Variants in SDK1 observed in about 807,000 individuals in gnomAD.
The protein encoded by SDK1 is protein sidekick-1.
SDK1 carries 157 observed loss-of-function variants against 245.5 expected under a neutral mutation model. The ratio of observed to expected loss-of-function variants is 0.64; its 90% CI spans 0.56 to 0.73. SDK1 has a LOEUF of 0.73. SDK1 is among the 30% of genes least tolerant of loss of function. The probability of loss-of-function intolerance (pLI) is 0.00; values close to 1 mark genes in which losing one functional copy is unlikely to be tolerated. For missense variants in SDK1, 3,583 were observed against 3,002.3 expected, an observed-to-expected ratio of 1.19 and a Z score of -4.52; for synonymous variants, 1,647 against 1,278.5, an observed-to-expected ratio of 1.29 and a Z score of -6.15.
Position 3,461,706 on chromosome 7 carries a change from T to C in SDK1, c.299-157374T>C, listed in dbSNP as rs190088783. On this transcript the variant is annotated intron_variant, in intron 1 of 44. Transcript: ENST00000404826. ...TTTCAACAGATGACATCACCTTATA[T>C]GTTACAGAGAAACAGAAGCCATTAG... is the stretch of plus-strand genomic sequence containing the variant. Among the ~76,000 whole-genome samples, 646 of 152,278 alleles carry C rather than the reference T, an allele frequency of 4.2e-3. 7 individuals carry two copies. Among genetic ancestry groups the C allele is most frequent in the South Asian group, 0.018 (86 of 4,828 alleles).
chr7:4,149,092 G>A (rs1780177949), intron 29 of SDK1, among the ~76,000 whole-genome samples, 170 bp from the exon 30 acceptor site: 4 of 143,140 alleles, frequency 2.8e-5, no homozygotes, highest in African/African-American at 8.5e-5. Context: ...AAAAAACAGA[G>A]CCTCTCATCT....
intron 1 of SDK1, among the ~76,000 whole-genome samples, chr7:3,573,055 G>A (rs1309938138): frequency 6.6e-6 from 1 of 152,106 alleles, no homozygotes; most frequent in East Asian, 1.9e-4. Context: ...CCCAGGCACA[G>A]CCAAGTGGGG....
At chr7:4,174,780 C>G (rs1782084928) in intron 33 of SDK1, among the ~76,000 whole-genome samples, 1 of 152,144 alleles carries the variant, frequency 6.6e-6, no homozygotes, top group African/African-American at 2.4e-5. Flanking sequence ...CACCCCCGGG[C>G]TGATTTTGGC....
intron 4 of SDK1, among the ~76,000 whole-genome samples, chr7:3,695,891 A>G (rs1402465394): frequency 6.6e-6 from 1 of 152,216 alleles, no homozygotes; most frequent in Non-Finnish European, 1.5e-5. Context: ...TGATGACACA[A>G]TCAAAGCTAA....
At chr7:4,245,873 C>T (rs1463346030) in intron 44 of SDK1, 68 bp downstream of exon 44, 3 of 1,577,000 alleles carry the variant, frequency 1.9e-6, no homozygotes, top group Non-Finnish European at 2.6e-6. Context: ...ACTTCTGCCC[C>T]CTCAGGCTGT....
At chr7:3,552,336 C>T (rs539362175) in intron 1 of SDK1, among the ~76,000 whole-genome samples, 2 of 152,270 alleles carry the variant, frequency 1.3e-5, no homozygotes, top group African/African-American at 4.8e-5. Flanking sequence ...CCACCGCGCC[C>T]AGCTGATTTT....
At chr7:3,467,184 T>C (rs990119367) in intron 1 of SDK1, among the ~76,000 whole-genome samples, 2 of 152,146 alleles carry the variant, frequency 1.3e-5, no homozygotes, top group African/African-American at 2.4e-5. Flanking sequence ...AAAAATATTT[T>C]TCTGTAATAT....
At chr7:4,232,407 C>CTTTTTTTTTTTTTTTTTTTTTTTTTTT (rs201396862) in intron 40 of SDK1, among the ~76,000 whole-genome samples, 25 of 73,170 alleles carry the variant, frequency 3.4e-4, no homozygotes, top group South Asian at 4.8e-4. Flanking sequence ...CTTTTCTTTT[C>CTTTTTTTTTTTTTTTTTTTTTTTTTTT]TTTCTTTTTT....
intron 4 of SDK1, among the ~76,000 whole-genome samples, chr7:3,665,269 C>T (rs1424434349): frequency 6.6e-6 from 1 of 152,182 alleles, no homozygotes; most frequent in East Asian, 1.9e-4. Context: ...ATGCCTTGAG[C>T]CCCCTCTTTC....
rs182847005 is a variant in SDK1, at chr7:3,591,159, C to A, written c.299-27921C>A. 2.4e-3 allele frequency among the ~76,000 whole-genome samples: 368 copies of A among 152,268 alleles called. 3 individuals carry two copies. The highest frequency in any genetic ancestry group is 0.018 in the South Asian group (85 of 4,830). ...TGTGATACTCTGATGAAGGCAGCTC[C>A]TATCAACCTGTAGGCAGTTCAAGGT... On this transcript the variant is annotated intron_variant, in intron 1 of 44. Transcript: ENST00000404826.
chr7:4,263,456 CCTCTCTTGA>C (rs1788187959), intron 44 of SDK1, among the ~76,000 whole-genome samples: 9 of 148,924 alleles, frequency 6.0e-5, no homozygotes, highest in Non-Finnish European at 6.0e-5. Flanking sequence ...GCCGCGTAGA[CCTCTCTTGA>C]GTGAGGGAGT....
At chr7:4,258,042 C>T (rs753304178) in intron 44 of SDK1, among the ~76,000 whole-genome samples, 26 of 152,190 alleles carry the variant, frequency 1.7e-4, no homozygotes, top group Non-Finnish European at 2.4e-4. Flanking sequence ...TTGTGTCTCC[C>T]GCCAGGCCCC....
chr7:4,068,178 C>T (rs1157042488), intron 20 of SDK1, among the ~76,000 whole-genome samples: 3 of 152,178 alleles, frequency 2.0e-5, no homozygotes, highest in Admixed American at 2.0e-4. Flanking sequence ...ATCTGTTCTC[C>T]TCGCATGATC....
rs1782547231 is a variant in SDK1, at chr7:3,638,679, A to C, written c.459-325A>C. On this transcript the variant is annotated intron_variant, in intron 2 of 44. Coordinates refer to ENST00000404826, the MANE Select transcript of SDK1 (RefSeq NM_152744.4). ...GGGATAGCATTAGGAGATATACCTA[A>C]TGCTAAATGACGAGTTAATGGGTGC... Among the ~76,000 whole-genome samples the C allele has an allele frequency of 2.0e-5, 3 of 150,686 alleles. No homozygotes were observed. In the South Asian group the frequency reaches 6.5e-4, roughly 32 times the overall value.
chr7:4,166,242 C>T (rs931801865), intron 32 of SDK1, among the ~76,000 whole-genome samples: 9 of 152,256 alleles, frequency 5.9e-5, no homozygotes, highest in Admixed American at 3.9e-4. Context: ...CTTCAGAACA[C>T]ATCTTGGGGC....
chr7:3,452,436 C>T (rs1780543120), intron 1 of SDK1, among the ~76,000 whole-genome samples: 1 of 152,162 alleles, frequency 6.6e-6, no homozygotes, highest in Admixed American at 6.5e-5. Context: ...TAGAGAGCCT[C>T]TTACTATAAA....
intron 4 of SDK1, among the ~76,000 whole-genome samples, chr7:3,649,305 A>G (rs1367725782): frequency 6.6e-6 from 1 of 152,126 alleles, no homozygotes; most frequent in Non-Finnish European, 1.5e-5. Context: ...TAATTTGTAT[A>G]TAACAAAATG....
At chr7:3,346,741 GTA>G (rs1242719001) in intron 1 of SDK1, among the ~76,000 whole-genome samples, 20 of 117,896 alleles carry the variant, frequency 1.7e-4, no homozygotes, top group Admixed American at 1.3e-3. Flanking sequence ...ATATATACAC[GTA>G]TATATATGTG....
chr7:3,606,678 C>T (rs1781435684), intron 1 of SDK1, among the ~76,000 whole-genome samples: 1 of 152,170 alleles, frequency 6.6e-6, no homozygotes, highest in African/African-American at 2.4e-5. Context: ...CTTTCTTACT[C>T]AGATACCCCG....
Sources: allele counts gnomAD v4.1 joint callset (sites outside exome capture counted in the v4.1 genomes callset), GRCh38; gene constraint gnomAD v4.1.1; transcripts MANE v1.5; gene names NCBI Gene and HGNC (gene_info 2026-07-23, HGNC 2026-07-21).